ALG1L2: variants seen among roughly 807,000 people sequenced by gnomAD.
ALG1L2 encodes the protein ALG1 chitobiosyldiphosphodolichol beta-mannosyltransferase like 2.
Under a neutral mutation model 29.0 loss-of-function variants are expected in ALG1L2, and 32 were observed. The ratio of observed to expected loss-of-function variants is 1.10; its 90% confidence interval spans 0.83 to 1.48. The LOEUF is 1.48. Among genes scored for constraint, ALG1L2 ranks in the 40% most tolerant of loss-of-function variants. The pLI, the probability that ALG1L2 is intolerant of heterozygous loss-of-function variation, is 0.00. For synonymous variants in ALG1L2, 110 were observed against 109.5 expected, an observed-to-expected ratio of 1.00 and a Z score of -0.03; for missense variants, 318 against 274.1, an observed-to-expected ratio of 1.16 and a Z score of -1.13.
intron 6 of ALG1L2, among the ~76,000 whole-genome samples, chr3:130,096,831 G>A (rs572501016): frequency 1.3e-5 from 2 of 152,202 alleles, no homozygotes; most frequent in African/African-American, 4.8e-5. Flanking sequence ...TCTTTTATGT[G>A]CTGAACCAGT....
At chr3:130,082,830 G>A (rs1934818261) in intron 1 of ALG1L2, among the ~76,000 whole-genome samples, 1 of 146,526 alleles carries the variant, frequency 6.8e-6, no homozygotes, top group Non-Finnish European at 1.5e-5. Flanking sequence ...GTGAGCATAA[G>A]GGAAGCCTAC....
chr3:130,094,152 C>A (rs1935079289), intron 4 of ALG1L2: 1 of 531,240 alleles, frequency 1.9e-6, no homozygotes, highest in Non-Finnish European at 3.4e-6. Context: ...GCTTACCCCG[C>A]CTTGTTTGCA....
At chr3:130,092,855 A>G (rs1935047102) in intron 3 of ALG1L2, among the ~76,000 whole-genome samples, 1 of 151,906 alleles carries the variant, frequency 6.6e-6, no homozygotes, top group African/African-American at 2.4e-5. Flanking sequence ...ACATGGCGAA[A>G]CCTGTCTCTA....
At position 130,082,215 on chromosome 3, in the gene ALG1L2, T is replaced by C. The variant is rs369852843; in HGVS notation, c.20+179T>C. Among the ~76,000 whole-genome samples the C allele has an allele frequency of 2.4e-4, 35 of 147,476 alleles. No individual in the cohort carries two copies. In the South Asian group the frequency reaches 5.4e-3, roughly 23 times the overall value. ...GGGAAGAGTGTGAGAGGGATGGAAA[T>C]TGAGATGAATTCATGGGTGTTTGGC... On this transcript the variant is annotated intron_variant, in intron 1 of 7. Transcript: ENST00000425059.
At chr3:130,097,339 G>A in intron 7 of ALG1L2, 89 bp downstream of exon 7, 3 of 1,546,738 alleles carry the variant, frequency 1.9e-6, no homozygotes, top group Admixed American at 4.0e-5. Flanking sequence ...CACACAGCCA[G>A]GGTGGGACCA....
intron 6 of ALG1L2, among the ~76,000 whole-genome samples, chr3:130,096,516 T>A (rs1935138022): frequency 6.6e-6 from 1 of 152,190 alleles, no homozygotes; most frequent in Non-Finnish European, 1.5e-5. Flanking sequence ...TGGCGGGAAT[T>A]GCCTGCAGGC....
chr3:130,091,305 C>T lies in ALG1L2; in HGVS notation c.65C>T (p.Ala22Val), dbSNP rs544440432. The T allele has an allele frequency of 4.4e-6, 7 of 1,599,100 alleles. No homozygotes were observed. Among genetic ancestry groups the T allele is most frequent in the South Asian group, 2.2e-5 (2 of 90,996 alleles). ...YDKPASFFKE[A>V]PLDLQHRLFM... ...AAGCCGGCATCTTTCTTTAAAGAGG[C>T]ACCTCTGGACCTGCAGCACCGGCTC... The change falls in exon 2 of 8, where the codon GCA becomes GTA. Residue 22 changes from alanine to valine, a missense_variant. Ala to Val is a moderately conservative substitution (Grantham distance 64). Coordinates refer to ENST00000425059, the MANE Select transcript of ALG1L2 (RefSeq NM_001136152.1).
chr3:130,084,323 A>G (rs1934846928), intron 1 of ALG1L2, among the ~76,000 whole-genome samples: 1 of 148,682 alleles, frequency 6.7e-6, no homozygotes, highest in South Asian at 2.2e-4. Context: ...AAAAAGTAAA[A>G]ATGCAAAGAA....
intron 1 of ALG1L2, among the ~76,000 whole-genome samples, chr3:130,090,318 G>A (rs1282094035): frequency 1.3e-5 from 2 of 152,304 alleles, no homozygotes; most frequent in African/African-American, 2.4e-5. Context: ...TTGCACCAAG[G>A]CGCTCCAGCC....
intron 1 of ALG1L2, chr3:130,090,820 TG>T (rs1224308959): frequency 5.8e-6 from 1 of 173,446 alleles, no homozygotes; most frequent in African/African-American, 2.4e-5. Context: ...CAGAAGGTTC[TG>T]TGGAAGGCTG....
rs530515173 is a variant in ALG1L2, at chr3:130,084,580, A to T, written c.20+2544A>T. ...GCGGGGCGGTAGTGGTGAAGATTAAATGAAGAGTTTATACGGGAAGGGCTC... is the reference window on the plus strand; with the variant it reads ...GCGGGGCGGTAGTGGTGAAGATTAATTGAAGAGTTTATACGGGAAGGGCTC... On this transcript the variant is annotated intron_variant, in intron 1 of 7. Coordinates refer to ENST00000425059, the MANE Select transcript of ALG1L2 (RefSeq NM_001136152.1). 6.0e-4 allele frequency among the ~76,000 whole-genome samples: 79 copies of T among 131,816 alleles called. 22 individuals are homozygous for T. In the South Asian group the frequency reaches 0.019, roughly 32 times the overall value. 86.5% of individuals were successfully genotyped at this position (131,816 alleles called of 152,430 possible). A position where few individuals can be genotyped will look rare whatever the true frequency, so the allele number is the denominator to read the frequency against.
At chr3:130,092,960 G>T in intron 3 of ALG1L2, 141 bp from the exon 4 acceptor site, 1 of 807,760 alleles carries the variant, frequency 1.2e-6, no homozygotes, top group Non-Finnish European at 1.9e-6. Flanking sequence ...AACCTGGGAG[G>T]CAGAGGTTGC....
At chr3:130,086,277 C>A (rs1375987220) in intron 1 of ALG1L2, among the ~76,000 whole-genome samples, 1 of 150,918 alleles carries the variant, frequency 6.6e-6, no homozygotes, top group African/African-American at 2.4e-5. Context: ...TGGAGATAAG[C>A]AATAGATAAA....
chr3:130,096,995 C>T (rs1477444529), intron 6 of ALG1L2, among the ~76,000 whole-genome samples, 180 bp from the exon 7 acceptor site: 2 of 124,024 alleles, frequency 1.6e-5, no homozygotes, highest in Non-Finnish European at 3.4e-5. Context: ...TGATGTGCAC[C>T]CCCCCCAGGC....
chr3:130,091,885 TAGTC>T, intron 2 of ALG1L2: 1 of 791,170 alleles, frequency 1.3e-6, no homozygotes, highest in East Asian at 2.7e-5. Context: ...GAAAAGGAAT[TAGTC>T]AGTCTTGTTT....
At chr3:130,093,377 T>C (rs1935061649) in intron 4 of ALG1L2, among the ~76,000 whole-genome samples, 1 of 152,016 alleles carries the variant, frequency 6.6e-6, no homozygotes, top group South Asian at 2.1e-4. Flanking sequence ...GATACCAAGC[T>C]TTCTACTTTT....
In ALG1L2 at chr3:130,096,056, G is replaced by A; in HGVS notation, c.432G>A (p.Val144=). ...GRGLPPLLGS[V]DLDVCLDTSS... is the part of the protein sequence containing the mutation. ...ACCCCTCTTGCCTAGCAGGGTCGGT[G>A]GACCTGGATGTCTGTCTGGACACGT... Residue 144 remains valine, a synonymous_variant, in exon 6 of 8, where the codon GTG becomes GTA. Transcript: ENST00000425059. The A allele has an allele frequency of 1.2e-6, 2 of 1,609,252 alleles. No homozygotes were observed. The highest frequency in any genetic ancestry group is 1.7e-6 in the Non-Finnish European group (2 of 1,178,922).
intron 2 of ALG1L2, 132 bp downstream of exon 2, chr3:130,091,503 T>C (rs11914710): frequency 0.25 from 237,492 of 967,510 alleles, 31,736 homozygotes; most frequent in Middle Eastern, 0.29. Context: ...TCTCCTGCTT[T>C]TGTAAATCAA....
chr3:130,082,406 C>G (rs560057271), intron 1 of ALG1L2, among the ~76,000 whole-genome samples: 2 of 128,118 alleles, frequency 1.6e-5, no homozygotes, highest in Non-Finnish European at 3.6e-5. Flanking sequence ...GGCACCATCT[C>G]GGCTTACTGC....
Sources: allele counts gnomAD v4.1 joint callset (sites outside exome capture counted in the v4.1 genomes callset), GRCh38; gene constraint gnomAD v4.1.1; transcripts MANE v1.5; gene names NCBI Gene and HGNC (gene_info 2026-07-23, HGNC 2026-07-21).